FBN2: variants seen among roughly 807,000 people sequenced by gnomAD.
FBN2 encodes fibrillin 2.
Under a neutral mutation model 355.6 loss-of-function variants are expected in FBN2, and 105 were observed. The observed-to-expected ratio is 0.30, with a 90% CI of 0.25 to 0.35. FBN2 has a LOEUF of 0.35. FBN2 is among the 10% of genes least tolerant of loss of function. The pLI is 1.00. For synonymous variants in FBN2, 1,350 were observed against 1,301.2 expected, an observed-to-expected ratio of 1.04 and a Z score of -0.81; for missense variants, 3,280 against 3,758.7, an observed-to-expected ratio of 0.87 and a Z score of 3.33.
chr5:128,378,003 C>G, intron 12 of FBN2, 126 bp from the exon 13 acceptor site: 1 of 807,124 alleles, frequency 1.2e-6, no homozygotes, highest in Non-Finnish European at 1.9e-6. Context: ...TTCTGTCTCT[C>G]AGCAGTTTTT....
intron 55 of FBN2, among the ~76,000 whole-genome samples, chr5:128,285,380 T>C (rs1749119362): frequency 6.6e-6 from 1 of 152,220 alleles, no homozygotes; most frequent in African/African-American, 2.4e-5. Flanking sequence ...CAAAGAGTTT[T>C]GTGATGATCA....
In FBN2 at chr5:128,273,886, T is replaced by A. The variant is rs755413924; in HGVS notation, c.7794A>T (p.Glu2598Asp). The change falls in exon 61 of 65, where the codon GAA (glutamate) becomes GAT (aspartate). Residue 2598 changes from glutamate to aspartate, a missense_variant. Glu to Asp is a conservative substitution (Grantham distance 45). Around this residue, in one of 6 missense-constraint regions of FBN2, gnomAD observed 2,284 missense variants for 2,749.5 expected, o/e 0.83. Coordinates refer to ENST00000262464, the MANE Select transcript of FBN2 (RefSeq NM_001999.4). ...CATCAAGAGAGAACCCTCTTTGGCA[T>A]TCACAGCTGAAACTGCCTGGAGTGT... ...CQNTPGSFSC[E>D]CQRGFSLDAT... is the part of the protein sequence containing the mutation. 1.9e-6 allele frequency: 3 copies of A among 1,614,026 alleles called. No homozygotes were observed. Among genetic ancestry groups the A allele is most frequent in the Non-Finnish European group, 2.5e-6 (3 of 1,179,910 alleles).
chr5:128,353,366 T>C (rs1004547355), intron 20 of FBN2, among the ~76,000 whole-genome samples: 1 of 152,152 alleles, frequency 6.6e-6, no homozygotes, highest in African/African-American at 2.4e-5. Context: ...TTCTCTCCTG[T>C]ACTGAATAAA....
At chr5:128,509,046 GA>G (rs1263771987) in intron 5 of FBN2, among the ~76,000 whole-genome samples, 1 of 151,926 alleles carries the variant, frequency 6.6e-6, no homozygotes, top group Middle Eastern at 3.2e-3. Flanking sequence ...CTGGTTTTGA[GA>G]AATTGATTAT....
At chr5:128,346,611 T>G (rs1271698180) in intron 23 of FBN2, among the ~76,000 whole-genome samples, 1 of 152,188 alleles carries the variant, frequency 6.6e-6, no homozygotes, top group Non-Finnish European at 1.5e-5. Context: ...TTTTTTTTCT[T>G]TCTTTCTTTC....
At chr5:128,397,881 T>C (rs1752691372) in intron 8 of FBN2, among the ~76,000 whole-genome samples, 1 of 151,968 alleles carries the variant, frequency 6.6e-6, no homozygotes, top group African/African-American at 2.4e-5. Context: ...TCTCCCCCAA[T>C]ACATAACAGA....
chr5:128,336,735 A>G (rs1478430279), intron 27 of FBN2, among the ~76,000 whole-genome samples: 1 of 152,222 alleles, frequency 6.6e-6, no homozygotes, highest in African/African-American at 2.4e-5. Flanking sequence ...ACTAACCCCT[A>G]TAATATGGGC....
chr5:128,422,522 G>C (rs1475326862), intron 7 of FBN2, among the ~76,000 whole-genome samples: 1 of 152,124 alleles, frequency 6.6e-6, no homozygotes, highest in Admixed American at 6.6e-5. Flanking sequence ...TAAAGAGGAA[G>C]AGTCAGGAAA....
rs557442355 is a variant in FBN2 at position 128,537,827 on chromosome 5, G to T, written c.-224C>A. The T allele has an allele frequency of 1.7e-6, 1 of 600,122 alleles. No homozygotes were observed. Among genetic ancestry groups the T allele is most frequent in the African/African-American group, 1.9e-5 (1 of 53,548 alleles). The allele number at this position is 600,122 out of a possible 1,614,324, so 37.2% of individuals were successfully genotyped here. On this transcript the variant is annotated 5_prime_UTR_variant, in exon 1 of 65. Coordinates refer to ENST00000262464, the MANE Select transcript of FBN2 (RefSeq NM_001999.4). The stretch of plus-strand genomic sequence containing the variant: ...GGCGCCGGGTCTAGCGCAGTGAGCG[G>T]CGAGGCGCGGCGGAGGTGCAGCCGG...
intron 6 of FBN2, among the ~76,000 whole-genome samples, chr5:128,456,418 AAC>A (rs1276008496): frequency 6.6e-6 from 1 of 151,994 alleles, no homozygotes; most frequent in African/African-American, 2.4e-5. Flanking sequence ...CCCCCAGCAA[AAC>A]ACACTCTCTC....
intron 5 of FBN2, among the ~76,000 whole-genome samples, chr5:128,510,300 G>C (rs891635668): frequency 6.6e-6 from 1 of 152,182 alleles, no homozygotes; most frequent in Non-Finnish European, 1.5e-5. Flanking sequence ...GAAAGTTTAC[G>C]AATTTGTGTT....
intron 16 of FBN2, among the ~76,000 whole-genome samples, chr5:128,368,846 T>A (rs531136924): frequency 3.3e-5 from 5 of 150,768 alleles, no homozygotes; most frequent in Admixed American, 6.6e-5. Flanking sequence ...AATTAAGATT[T>A]TTTTTTTTTT....
At chr5:128,269,305 TAAAC>T (rs1056816842) in intron 62 of FBN2, among the ~76,000 whole-genome samples, 1 of 146,218 alleles carries the variant, frequency 6.8e-6, no homozygotes, top group Non-Finnish European at 1.5e-5. Context: ...ATAATAATAA[TAAAC>T]TAATAATAAT....
intron 58 of FBN2, 74 bp downstream of exon 58, chr5:128,277,806 G>A: frequency 6.8e-7 from 1 of 1,471,074 alleles, no homozygotes; most frequent in Non-Finnish European, 9.5e-7. Context: ...ACACTCTACT[G>A]ATAATGAGTG....
rs185809581 is a variant in FBN2 at position 128,339,000 on chromosome 5, C to T, written c.3405G>A (p.Pro1135=). ...CGAAGCACTCGCACTCAAAGCTGCC[C>T]GGTGTATTGACGCAGATTCCACTGC... ...LCGSGICVNT[P]GSFECECFEG... is the part of the protein sequence containing the mutation. The change falls in exon 26 of 65, where the codon CCG becomes CCA. Residue 1135 remains proline, a synonymous_variant. Transcript: ENST00000262464. 7.6e-5 allele frequency: 122 copies of T among 1,613,916 alleles called. No individual in the cohort carries two copies. The Admixed American group carries it at 1.9e-3, about 25-fold the overall frequency.
At chr5:128,459,221 GACACATAC>G (rs1251614507) in intron 6 of FBN2, among the ~76,000 whole-genome samples, 1 of 151,984 alleles carries the variant, frequency 6.6e-6, no homozygotes, top group Non-Finnish European at 1.5e-5. Flanking sequence ...TAAATTCCTG[GACACATAC>G]ACCCTACCAA....
chr5:128,533,890 C>T (rs13159256), intron 2 of FBN2, among the ~76,000 whole-genome samples: 29,249 of 151,814 alleles, frequency 0.19, 2,944 homozygotes, highest in Non-Finnish European at 0.23. Flanking sequence ...AAAGTCAATT[C>T]CGTACTTTTG....
At chr5:128,439,139 C>G (rs915798126) in intron 7 of FBN2, among the ~76,000 whole-genome samples, 2 of 152,018 alleles carry the variant, frequency 1.3e-5, no homozygotes, top group Non-Finnish European at 2.9e-5. Flanking sequence ...TTGAATCAGT[C>G]CACTATCCTA....
chr5:128,446,659 AT>A, intron 6 of FBN2, 53 bp from the exon 7 acceptor site: 1 of 1,593,204 alleles, frequency 6.3e-7, no homozygotes, highest in Non-Finnish European at 8.6e-7. Context: ...CAGAATATCT[AT>A]ACTTTTTTTT....
Sources: allele counts gnomAD v4.1 joint callset (sites outside exome capture counted in the v4.1 genomes callset), GRCh38; gene constraint gnomAD v4.1.1; regional missense constraint gnomAD v4.1.1; transcripts MANE v1.5; gene names NCBI Gene and HGNC (gene_info 2026-07-23, HGNC 2026-07-21).